Variants in PRR35 observed in about 807,000 individuals in gnomAD.
PRR35 encodes the protein proline-rich protein 35.
In PRR35, 14 loss-of-function variants were observed where a neutral mutation model predicts 18.6. The observed-to-expected ratio is 0.75, with a 90% CI of 0.50 to 1.18. The LOEUF is 1.18. PRR35 is among the 50% of genes most tolerant of loss of function. The pLI, the probability that PRR35 is intolerant of heterozygous loss-of-function variation, is 0.00. For synonymous variants in PRR35, 425 were observed against 378.2 expected (o/e 1.12, Z -1.43); for missense variants, 832 against 792.2 (o/e 1.05, Z -0.60).
Position 565,378 on chromosome 16 carries a change from C to T in PRR35, c.*71C>T, listed in dbSNP as rs2035522730. On this transcript the variant is annotated 3_prime_UTR_variant, in exon 3 of 3. Transcript: ENST00000409413. ...CCCCTCTCCTGCAGCCCCTGCCCCTCACCTGCCTGGGACCTGCCCCGCCTC... is the reference window on the plus strand; with the variant it reads ...CCCCTCTCCTGCAGCCCCTGCCCCTTACCTGCCTGGGACCTGCCCCGCCTC... 34 of 1,382,840 alleles carry T rather than the reference C, an allele frequency of 2.5e-5. No individual in the cohort carries two copies. In the South Asian group the frequency reaches 5.4e-4, roughly 22 times the overall value. 85.7% of individuals were successfully genotyped at this position (1,382,840 alleles called of 1,614,324 possible). A position where few individuals can be genotyped will look rare whatever the true frequency, so the allele number is the denominator to read the frequency against.
chr16:560,736 C>A, intron 1 of PRR35, 75 bp downstream of exon 1: 1 of 887,832 alleles, frequency 1.1e-6, no homozygotes, highest in Non-Finnish European at 1.3e-6. Flanking sequence ...GCGGGGGCAG[C>A]GGGTGGCCAG....
rs202131904 is a variant in PRR35, at chr16:563,935, C to T, written c.641C>T (p.Pro214Leu). The T allele has an allele frequency of 6.3e-6, 10 of 1,594,234 alleles. No homozygotes were observed. The highest frequency in any genetic ancestry group is 3.4e-5 in the South Asian group (3 of 87,928). Residue 214 changes from proline (P) to leucine (L), a missense_variant, in exon 2 of 3, where the codon CCG becomes CTG. Coordinates refer to ENST00000409413, the MANE Select transcript of PRR35 (RefSeq NM_145270.3). ...LHLSLLGVNY[P>L]LSPGLFSYLG... ...CTGTCTCTGCTGGGCGTCAACTACCCGCTCAGCCCCGGCCTCTTCTCCTAC... is the reference window on the plus strand; with the variant it reads ...CTGTCTCTGCTGGGCGTCAACTACCTGCTCAGCCCCGGCCTCTTCTCCTAC...
Position 563,629 on chromosome 16 carries a change from C to G in PRR35, c.335C>G (p.Pro112Arg). ...GGAGCACGGCCCACAGGTGCTGCCC[C>G]CGCGCCTGACCTCGTGGTCGCCGAC... ...PQGARPTGAA[P>R]APDLVVADIH... Residue 112 changes from proline to arginine, a missense_variant, in exon 2 of 3, where the codon CCC (proline) becomes CGC (arginine). Pro to Arg is a moderately radical substitution (Grantham distance 103, BLOSUM62 -2). Transcript: ENST00000409413. 1 of 1,582,270 alleles carries G rather than the reference C, an allele frequency of 6.3e-7. No homozygotes were observed. Among genetic ancestry groups the G allele is most frequent in the South Asian group, 1.1e-5 (1 of 88,338 alleles).
At chr16:562,922 C>T (rs1032411552) in intron 1 of PRR35, among the ~76,000 whole-genome samples, 3 of 152,100 alleles carry the variant, frequency 2.0e-5, no homozygotes, top group African/African-American at 7.2e-5. Flanking sequence ...ATCGAATTTC[C>T]GATAAACAAT....
In PRR35 at chr16:563,614, C is replaced by CACAGGT; in HGVS notation, c.320_321insACAGGT (p.Pro107_Thr108insGlnVal). On this transcript the variant is annotated inframe_insertion, in exon 2 of 3. Coordinates refer to ENST00000409413, the MANE Select transcript of PRR35 (RefSeq NM_145270.3). ...GGCAGGCAACCCCAGGGAGCACGGC[C>CACAGGT]CACAGGTGCTGCCCCCGCGCCTGAC... 2 of 1,588,452 alleles carry CACAGGT rather than the reference C, an allele frequency of 1.3e-6. No homozygotes were observed. Among genetic ancestry groups the CACAGGT allele is most frequent in the Non-Finnish European group, 1.7e-6 (2 of 1,172,500 alleles).
At chr16:560,294 G>A (rs998913035), upstream of PRR35, 1 of 952,302 alleles carries the variant, frequency 1.1e-6, no homozygotes, top group Non-Finnish European at 1.2e-6. Flanking sequence ...CGGGGTTCGG[G>A]CCGGGGGCTG....
chr16:560,298 GGGGCTGCTCCTTCCCTCCCGCCGC>G, upstream of PRR35: 2 of 965,370 alleles, frequency 2.1e-6, no homozygotes, highest in Non-Finnish European at 2.5e-6. Context: ...GTTCGGGCCG[GGGGCTGCTCCTTCCCTCCCGCCGC>G]GAGCGCGGTC....
rs1350257741 is a variant in PRR35 at position 564,202 on chromosome 16, A to T, written c.908A>T (p.Lys303Met). 2 of 1,568,270 alleles carry T rather than the reference A, an allele frequency of 1.3e-6. No individual in the cohort carries two copies. Among genetic ancestry groups the T allele is most frequent in the Admixed American group, 3.7e-5 (2 of 54,564 alleles). Residue 303 changes from lysine (K) to methionine (M), a missense_variant, in exon 2 of 3, where the codon AAG becomes ATG. By Grantham distance (95) the Lys-to-Met change is moderately conservative. Transcript: ENST00000409413. ...PSGTPAPGLL[K>M]VPVPGLGPWP... The stretch of plus-strand genomic sequence containing the variant: ...GGGACTCCGGCTCCTGGCCTGCTGA[A>T]GGTGCCAGTTCCAGGGCTGGGGCCC...
rs755583168 is a variant in PRR35, at chr16:564,235, G to A, written c.941G>A (p.Arg314Gln). ...GTTCCAGGGCTGGGGCCCTGGCCCC[G>A]AGTCACCCCCAGGGACCCAGGGCAG... ...VPVPGLGPWP[R>Q]VTPRDPGQEG... The change falls in exon 2 of 3, where the codon CGA (arginine) becomes CAA (glutamine). Residue 314 changes from arginine (R) to glutamine (Q), a missense_variant. By Grantham distance (43) the Arg-to-Gln change is conservative (BLOSUM62 1). Transcript: ENST00000409413. 5.1e-6 allele frequency: 8 copies of A among 1,572,744 alleles called. No homozygotes were observed. The highest frequency in any genetic ancestry group is 3.5e-5 in the South Asian group (3 of 86,902).
rs371236668 is a variant in PRR35 at position 563,746 on chromosome 16, G to A, written c.452G>A (p.Gly151Asp). The A allele has an allele frequency of 5.2e-4, 792 of 1,515,850 alleles. 1 individual carries two copies. The highest frequency in any genetic ancestry group is 6.5e-4 in the Admixed American group (31 of 47,398). 93.9% of individuals were successfully genotyped at this position (1,515,850 alleles called of 1,614,324 possible). Reference protein sequence around the residue: ...PPPVARATRKGPGPSGLLPES... With the variant: ...PPPVARATRKDPGPSGLLPES... ...CCTGTGGCTAGGGCCACCCGGAAGG[G>A]TCCCGGCCCCAGTGGGCTCCTGCCT... The change falls in exon 2 of 3, where the codon GGT becomes GAT. Residue 151 changes from glycine (G) to aspartate (D), a missense_variant. Physicochemically the swap from Gly to Asp is moderately conservative, Grantham distance 94. Coordinates refer to ENST00000409413, the MANE Select transcript of PRR35 (RefSeq NM_145270.3).
Position 564,244 on chromosome 16 carries a change from C to T in PRR35, c.950C>T (p.Pro317Leu). The change falls in exon 2 of 3, where the codon CCC becomes CTC. Residue 317 changes from proline (P) to leucine (L), a missense_variant. Physicochemically the swap from Pro to Leu is moderately conservative, Grantham distance 98. Coordinates refer to ENST00000409413, the MANE Select transcript of PRR35 (RefSeq NM_145270.3). The part of the protein sequence containing the change: ...PGLGPWPRVT[P>L]RDPGQEGELE... Reference sequence around the variant, plus strand: ...CTGGGGCCCTGGCCCCGAGTCACCCCCAGGGACCCAGGGCAGGAGGGGGAG... The same window carrying T: ...CTGGGGCCCTGGCCCCGAGTCACCCTCAGGGACCCAGGGCAGGAGGGGGAG... 4 of 1,574,690 alleles carry T rather than the reference C, an allele frequency of 2.5e-6. No homozygotes were observed. Among genetic ancestry groups the T allele is most frequent in the Non-Finnish European group, 3.4e-6 (4 of 1,165,632 alleles).
rs1159859936 is a variant in PRR35 at position 564,654 on chromosome 16, G to A, written c.1083-20G>A. ...CGCTGTGGGGGCAGTGCGGCCTCCTGACCAGCTTCCACCCCACAGCCTGCC... is the reference window on the plus strand; with the variant it reads ...CGCTGTGGGGGCAGTGCGGCCTCCTAACCAGCTTCCACCCCACAGCCTGCC... On this transcript the variant is annotated intron_variant, in intron 2 of 2. Coordinates refer to ENST00000409413, the MANE Select transcript of PRR35 (RefSeq NM_145270.3). 3 of 1,510,234 alleles carry A rather than the reference G, an allele frequency of 2.0e-6. No homozygotes were observed. The highest frequency in any genetic ancestry group is 4.9e-5 in the East Asian group (2 of 40,608). The allele number at this position is 1,510,234 out of a possible 1,614,324, so 93.6% of individuals were successfully genotyped here. A position where few individuals can be genotyped will look rare whatever the true frequency, so the allele number is the denominator to read the frequency against.
At position 564,028 on chromosome 16, in the gene PRR35, C is replaced by A; in HGVS notation, c.734C>A (p.Pro245Gln). 1.3e-6 allele frequency: 2 copies of A among 1,582,344 alleles called. No homozygotes were observed. Among genetic ancestry groups the A allele is most frequent in the East Asian group, 2.3e-5 (1 of 43,362 alleles). Reference sequence around the variant, plus strand: ...GCCTCGGCCAGCCCCCTGCTGCCCCCGGCCACGGCCTTCCCAGCCGTGCAG... The same window carrying A: ...GCCTCGGCCAGCCCCCTGCTGCCCCAGGCCACGGCCTTCCCAGCCGTGCAG... ...FLASASPLLP[P>Q]ATAFPAVQPP... The change falls in exon 2 of 3, where the codon CCG becomes CAG. Residue 245 changes from proline (P) to glutamine (Q), a missense_variant. By Grantham distance (76) the Pro-to-Gln change is moderately conservative (BLOSUM62 -1). Transcript: ENST00000409413.
In PRR35 at chr16:564,396, G is replaced by A. The variant is rs570850770; in HGVS notation, c.1082+20G>A. On this transcript the variant is annotated intron_variant, in intron 2 of 2. Coordinates refer to ENST00000409413, the MANE Select transcript of PRR35 (RefSeq NM_145270.3). ...GAGCAGGTGGGCGTCTTGGGCTCCCGGTTCCTGGGGTGGACGGAGGGGCTG... is the reference window on the plus strand; with the variant it reads ...GAGCAGGTGGGCGTCTTGGGCTCCCAGTTCCTGGGGTGGACGGAGGGGCTG... 4.1e-5 allele frequency: 65 copies of A among 1,589,030 alleles called. No homozygotes were observed. In the East Asian group the frequency reaches 1.0e-3, roughly 25 times the overall value.
In PRR35 at chr16:563,723, T is replaced by C; in HGVS notation, c.429T>C (p.Pro143=). Reference sequence around the variant, plus strand: ...AGGGGTCCCCAGGGCCACCACCCCCTGTGGCTAGGGCCACCCGGAAGGGTC... The same window carrying C: ...AGGGGTCCCCAGGGCCACCACCCCCCGTGGCTAGGGCCACCCGGAAGGGTC... ...RAKGSPGPPP[P]VARATRKGPG... is the part of the protein sequence containing the mutation. The change falls in exon 2 of 3, where the codon CCT becomes CCC. Residue 143 remains proline (P), a synonymous_variant. Coordinates refer to ENST00000409413, the MANE Select transcript of PRR35 (RefSeq NM_145270.3). 1 of 1,539,526 alleles carries C rather than the reference T, an allele frequency of 6.5e-7. No homozygotes were observed. The highest frequency in any genetic ancestry group is 8.7e-7 in the Non-Finnish European group (1 of 1,146,888).
rs370405077 is a variant in PRR35 at position 563,336 on chromosome 16, G to T, written c.42G>T (p.Ala14=). Residue 14 remains alanine (A), a synonymous_variant, in exon 2 of 3, where the codon GCG becomes GCT. Coordinates refer to ENST00000409413, the MANE Select transcript of PRR35 (RefSeq NM_145270.3). The part of the protein sequence containing the change: ...EAGSCRVGTG[A]RARSRKPKKP... Reference sequence around the variant, plus strand: ...GCTCATGCCGCGTGGGCACAGGGGCGAGGGCGCGGTCTCGGAAGCCCAAGA... The same window carrying T: ...GCTCATGCCGCGTGGGCACAGGGGCTAGGGCGCGGTCTCGGAAGCCCAAGA... The T allele has an allele frequency of 1.2e-6, 2 of 1,611,584 alleles. No homozygotes were observed. Among genetic ancestry groups the T allele is most frequent in the Admixed American group, 3.3e-5 (2 of 59,962 alleles).
chr16:565,282 A>G lies in PRR35; in HGVS notation c.1691A>G (p.Gln564Arg), dbSNP rs776762587. The G allele has an allele frequency of 8.4e-6, 13 of 1,540,352 alleles. No homozygotes were observed. Among genetic ancestry groups the G allele is most frequent in the Middle Eastern group, 1.8e-4 (1 of 5,454 alleles). ...ACCCCTGAGGCTGTCTGTGGCCTGC[A>G]GAGCCCCCAGGGCGCCGAGGTCTGA... ...SQTPEAVCGLQSPQGAEV is the reference protein window; with the variant it reads ...SQTPEAVCGLRSPQGAEV Residue 564 changes from glutamine (Q) to arginine (R), a missense_variant, in exon 3 of 3, where the codon CAG (glutamine) becomes CGG (arginine). Gln to Arg is a conservative substitution (Grantham distance 43, BLOSUM62 1). Around this residue, in one of 3 missense-constraint regions of PRR35, gnomAD observed 768 missense variants for 704.1 expected, o/e 1.09. Transcript: ENST00000409413.
Position 565,446 on chromosome 16 carries a change from T to G in PRR35, c.*139T>G, listed in dbSNP as rs1307480899. 7.9e-6 allele frequency: 7 copies of G among 885,578 alleles called. No individual in the cohort carries two copies. The African/African-American group carries it at 1.1e-4, about 13-fold the overall frequency. The allele number at this position is 885,578 out of a possible 1,614,324, so 54.9% of individuals were successfully genotyped here. ...ACCCCCACGGGCCGTGGCCAACGCT[T>G]GTCCCTGGGGCCACACAGGGACACT... is the stretch of plus-strand genomic sequence containing the variant. On this transcript the variant is annotated 3_prime_UTR_variant, in exon 3 of 3. Transcript: ENST00000409413.
chr16:564,083 C>T lies in PRR35; in HGVS notation c.789C>T (p.Arg263=). Residue 263 remains arginine (R), a synonymous_variant, in exon 2 of 3, where the codon CGC becomes CGT. Coordinates refer to ENST00000409413, the MANE Select transcript of PRR35 (RefSeq NM_145270.3). ...QPPQRPTPAP[R]LYYPLLLEHT... is the part of the protein sequence containing the mutation. ...CTCAGCGCCCCACCCCGGCCCCCCG[C>T]CTGTACTACCCGCTGCTTCTGGAGC... The T allele has an allele frequency of 6.4e-7, 1 of 1,561,094 alleles. No homozygotes were observed. The highest frequency in any genetic ancestry group is 8.6e-7 in the Non-Finnish European group (1 of 1,160,328).
Sources: allele counts gnomAD v4.1 joint callset (sites outside exome capture counted in the v4.1 genomes callset), GRCh38; gene constraint gnomAD v4.1.1; regional missense constraint gnomAD v4.1.1; transcripts MANE v1.5; gene names NCBI Gene and HGNC (gene_info 2026-07-23, HGNC 2026-07-21).